The following HEG1 variants were observed in gnomAD, a reference collection of about 807,000 sequenced individuals.
The protein encoded by HEG1 is heart development protein with EGF like domains 1.
A neutral mutation model predicts 125.6 loss-of-function variants in HEG1; 56 were observed. The ratio of observed to expected loss-of-function variants is 0.45; its 90% CI spans 0.36 to 0.56. The LOEUF (loss-of-function observed/expected upper bound fraction) is 0.56. HEG1 is among the 20% of genes least tolerant of loss of function. The pLI, the probability that HEG1 is intolerant of heterozygous loss-of-function variation, is 0.00. For missense variants in HEG1, 1,523 were observed against 1,670.0 expected, an observed-to-expected ratio of 0.91 and a Z score of 1.53; for synonymous variants, 644 against 668.5, an observed-to-expected ratio of 0.96 and a Z score of 0.57.
chr3:124,986,546 C>T (rs890702148), intron 14 of HEG1, among the ~76,000 whole-genome samples: 1 of 152,154 alleles, frequency 6.6e-6, no homozygotes, highest in Non-Finnish European at 1.5e-5. Flanking sequence ...TATTATCAGC[C>T]ACTATAATAT....
intron 1 of HEG1, among the ~76,000 whole-genome samples, chr3:125,044,202 A>G (rs1435658688): frequency 6.6e-6 from 1 of 152,198 alleles, no homozygotes; most frequent in Non-Finnish European, 1.5e-5. Context: ...AAATCTAGTT[A>G]AGGGAGAAAT....
intron 1 of HEG1, among the ~76,000 whole-genome samples, chr3:125,038,712 C>T (rs1284884185): frequency 2.0e-5 from 3 of 152,204 alleles, no homozygotes; most frequent in African/African-American, 7.2e-5. Context: ...CTGTGTACAC[C>T]CTGAGTAGGA....
intron 1 of HEG1, among the ~76,000 whole-genome samples, chr3:125,046,082 C>T (rs574831927): frequency 6.6e-6 from 1 of 152,196 alleles, no homozygotes; most frequent in South Asian, 2.1e-4. Flanking sequence ...AGGCAGCTAT[C>T]CAATGCCACA....
chr3:125,006,160 T>C (rs1937069153), intron 8 of HEG1, among the ~76,000 whole-genome samples: 1 of 152,180 alleles, frequency 6.6e-6, no homozygotes, highest in Non-Finnish European at 1.5e-5. Flanking sequence ...GTCGTGGGGC[T>C]ATACTCCATG....
intron 14 of HEG1, 120 bp downstream of exon 14, chr3:124,990,667 C>T: frequency 1.0e-6 from 1 of 955,496 alleles, no homozygotes; most frequent in Non-Finnish European, 1.6e-6. Flanking sequence ...ATGCCATTGG[C>T]ATAGAACCTA....
rs112566881 is a variant in HEG1 at position 125,002,216 on chromosome 3, G to C, written c.3356+41C>G. The C allele has an allele frequency of 3.4e-5, 54 of 1,582,322 alleles. No individual in the cohort carries two copies. The Middle Eastern group carries it at 5.0e-4, about 15-fold the overall frequency. ...CCCATGTTAGAACAGCCTCCCCTTT[G>C]TACAGACTAGTTCACAAGCAAATAT... On this transcript the variant is annotated intron_variant, in intron 10 of 16. Transcript: ENST00000311127.
In HEG1 at chr3:125,001,913, GT is replaced by G; in HGVS notation, c.3455del (p.Asn1152ThrfsTer80). ...AGACCTCAGCAGAGGACTTGCAGGA[GT>G]TGACACATTTCTGCATCCTATCAGC... ...DLADRMQKCV[N>X]SCKSSAEVCQ... On this transcript the variant is annotated frameshift_variant, in exon 11 of 17. Transcript: ENST00000311127. LOFTEE classifies it high-confidence loss of function. The G allele has an allele frequency of 6.2e-7, 1 of 1,613,904 alleles. No individual in the cohort carries two copies. Among genetic ancestry groups the G allele is most frequent in the Non-Finnish European group, 8.5e-7 (1 of 1,179,866 alleles).
intron 1 of HEG1, among the ~76,000 whole-genome samples, chr3:125,043,351 C>G (rs1937616275): frequency 6.6e-6 from 1 of 152,044 alleles, no homozygotes; most frequent in Admixed American, 6.5e-5. Flanking sequence ...ACAGCCTATC[C>G]CAGCAGGAGT....
chr3:124,972,124 G>A (rs1039575474), intron 16 of HEG1: 1 of 152,210 alleles, frequency 6.6e-6, no homozygotes, highest in African/African-American at 2.4e-5. Flanking sequence ...GAATAAAAAT[G>A]GGGTTCATTT....
intron 11 of HEG1, among the ~76,000 whole-genome samples, 178 bp downstream of exon 11, chr3:125,001,674 C>G (rs1007775349): frequency 6.6e-6 from 1 of 152,124 alleles, no homozygotes; most frequent in Non-Finnish European, 1.5e-5. Context: ...CATGTTTGTA[C>G]ATGCATGCAC....
At chr3:124,970,854 A>T (rs752979497) in intron 16 of HEG1, 53 bp from the exon 17 acceptor site, 1 of 1,469,460 alleles carries the variant, frequency 6.8e-7, no homozygotes, top group Non-Finnish European at 9.4e-7. Flanking sequence ...TTGGGTTTAA[A>T]TTGCAGTGTT....
chr3:125,017,253 C>A (rs1937265022), intron 5 of HEG1, among the ~76,000 whole-genome samples: 2 of 152,170 alleles, frequency 1.3e-5, no homozygotes, highest in South Asian at 2.1e-4. Flanking sequence ...CAGGGTTTTG[C>A]CATGTTGGCC....
Position 125,021,137 on chromosome 3 carries a change from T to C in HEG1, c.914-7A>G, listed in dbSNP as rs561535179. On this transcript the variant is annotated splice_region_variant and splice_polypyrimidine_tract_variant and intron_variant, in intron 3 of 16. Coordinates refer to ENST00000311127, the MANE Select transcript of HEG1 (RefSeq NM_020733.2). ...TTCTCTGTACTTTCAGAAGCTACAA[T>C]GGAAAAAGATATGCTTCAAAATTAC... 1.3e-6 allele frequency: 2 copies of C among 1,535,142 alleles called. No homozygotes were observed. Among genetic ancestry groups the C allele is most frequent in the African/African-American group, 1.4e-5 (1 of 72,732 alleles).
At chr3:125,015,063 A>G (rs1029427258) in intron 5 of HEG1, 4 of 1,173,176 alleles carry the variant, frequency 3.4e-6, no homozygotes, top group Non-Finnish European at 3.3e-6. Context: ...CTGGAGCGAC[A>G]GGATCGTGCC....
intron 16 of HEG1, chr3:124,971,259 G>C: frequency 2.3e-6 from 1 of 435,930 alleles, no homozygotes; most frequent in East Asian, 7.0e-5. Flanking sequence ...TAAGTTGCAG[G>C]AGAGCCCAAT....
chr3:125,014,885 G>A (rs1315687454), intron 5 of HEG1: 2 of 1,289,878 alleles, frequency 1.6e-6, no homozygotes, highest in Non-Finnish European at 2.0e-6. Context: ...ACCGCAGTGT[G>A]CGTTCCCCGT....
rs1937201326 is a variant in HEG1, at chr3:125,013,868, T to C, written c.1711A>G (p.Ile571Val). ...FTKGERALLS[I>V]TDNSSSSDIV... ...TCTGAGGATGAACTGTTATCTGTAA[T>C]GGACAGTAACGCCCGTTCTCCTTTG... The change falls in exon 6 of 17, where the codon ATT (isoleucine) becomes GTT (valine). Residue 571 changes from isoleucine (I) to valine (V), a missense_variant. Ile to Val is a conservative substitution (Grantham distance 29). Coordinates refer to ENST00000311127, the MANE Select transcript of HEG1 (RefSeq NM_020733.2). The C allele has an allele frequency of 1.2e-6, 2 of 1,613,774 alleles. No individual in the cohort carries two copies. The highest frequency in any genetic ancestry group is 2.2e-5 in the East Asian group (1 of 44,886).
chr3:124,966,976 T>C lies in HEG1; in HGVS notation c.*3676A>G, dbSNP rs1936326063. On this transcript the variant is annotated 3_prime_UTR_variant, in exon 17 of 17. Coordinates refer to ENST00000311127, the MANE Select transcript of HEG1 (RefSeq NM_020733.2). ...ATCCAGCCTAGGAGTCCAAAGATGC[T>C]GCCTTCTCCCTTGGGCCCACTTTAA... The C allele has an allele frequency of 6.6e-6, 1 of 152,232 alleles. No homozygotes were observed. Among genetic ancestry groups the C allele is most frequent in the Non-Finnish European group, 1.5e-5 (1 of 68,042 alleles). The allele number at this position is 152,232 out of a possible 1,614,324, so 9.4% of individuals were successfully genotyped here. A position where few individuals can be genotyped will look rare whatever the true frequency, so the allele number is the denominator to read the frequency against.
chr3:124,990,638 C>T (rs1039860672), intron 14 of HEG1, 149 bp downstream of exon 14: 11 of 770,702 alleles, frequency 1.4e-5, no homozygotes, highest in Admixed American at 1.1e-4. Context: ...CACGTCTGGC[C>T]TTTCTCTTTG....
Sources: allele counts gnomAD v4.1 joint callset (sites outside exome capture counted in the v4.1 genomes callset), GRCh38; gene constraint gnomAD v4.1.1; transcripts MANE v1.5; gene names NCBI Gene and HGNC (gene_info 2026-07-23, HGNC 2026-07-21).